Variants in DUSP22 observed in about 807,000 individuals in gnomAD.
DUSP22 encodes the protein dual specificity phosphatase 22, also known as dual specificity protein phosphatase 22.
A neutral mutation model predicts 24.5 loss-of-function variants in DUSP22; 24 were observed. The ratio of observed to expected loss-of-function variants is 0.98; its 90% CI spans 0.71 to 1.38. The LOEUF (loss-of-function observed/expected upper bound fraction) is 1.38. Ranked by LOEUF, DUSP22 falls within the 40% of genes most tolerant of loss-of-function variation. The probability of loss-of-function intolerance (pLI) is 0.00; values close to 1 mark genes in which losing one functional copy is unlikely to be tolerated. For missense variants in DUSP22, 330 were observed against 269.2 expected (o/e 1.23, Z -1.58); for synonymous variants, 160 against 106.4 (o/e 1.50, Z -3.10).
intron 1 of DUSP22, among the ~76,000 whole-genome samples, chr6:298,678 G>C (rs1344155028): frequency 5.9e-5 from 9 of 152,424 alleles, no homozygotes; most frequent in African/African-American, 2.2e-4. Flanking sequence ...GAAGGATTCT[G>C]CCTATATTGT....
chr6:322,095 A>G (rs1281180892), intron 3 of DUSP22, among the ~76,000 whole-genome samples: 1 of 152,302 alleles, frequency 6.6e-6, no homozygotes, highest in Non-Finnish European at 1.5e-5. Context: ...TAGTGTACAC[A>G]TATCATCTAC....
chr6:346,646 C>A (rs1001116087), intron 5 of DUSP22, among the ~76,000 whole-genome samples: 4 of 152,302 alleles, frequency 2.6e-5, no homozygotes, highest in African/African-American at 9.6e-5. Context: ...AGCCAAGGCT[C>A]TGTTGTCTAA....
At chr6:328,215 T>C (rs1227643031) in intron 3 of DUSP22, among the ~76,000 whole-genome samples, 1 of 152,302 alleles carries the variant, frequency 6.6e-6, no homozygotes, top group African/African-American at 2.4e-5. Flanking sequence ...CTGCTGAAAC[T>C]GGCCCAGTTT....
chr6:313,582 AAGAG>A (rs1311291507), intron 3 of DUSP22, among the ~76,000 whole-genome samples: 4 of 152,302 alleles, frequency 2.6e-5, no homozygotes, highest in African/African-American at 4.8e-5. Flanking sequence ...CCTTTAAAAA[AAGAG>A]AGAGAGAAGT....
At chr6:334,559 C>A (rs535201987) in intron 3 of DUSP22, among the ~76,000 whole-genome samples, 154 of 152,314 alleles carry the variant, frequency 1.0e-3, no homozygotes, top group African/African-American at 3.6e-3. Flanking sequence ...GATATATAAA[C>A]CTTTATTGTC....
chr6:337,674 A>G (rs1759418319), intron 4 of DUSP22, among the ~76,000 whole-genome samples: 1 of 152,308 alleles, frequency 6.6e-6, no homozygotes, highest in Non-Finnish European at 1.5e-5. Context: ...ATTTTGTTAC[A>G]TGGATATAAG....
At chr6:316,338 C>T (rs1308651755) in intron 3 of DUSP22, among the ~76,000 whole-genome samples, 3 of 152,308 alleles carry the variant, frequency 2.0e-5, no homozygotes, top group South Asian at 2.1e-4. Context: ...AAATCATTGC[C>T]GCATATATTA....
intron 5 of DUSP22, among the ~76,000 whole-genome samples, chr6:347,412 C>T (rs1404940709): frequency 6.6e-6 from 1 of 152,306 alleles, no homozygotes; most frequent in Non-Finnish European, 1.5e-5. Context: ...GTTGCTAGAA[C>T]TCTCTAAGTC....
chr6:329,203 G>A (rs1022146766), intron 3 of DUSP22, among the ~76,000 whole-genome samples: 3 of 152,308 alleles, frequency 2.0e-5, no homozygotes, highest in Non-Finnish European at 2.9e-5. Flanking sequence ...ATCTTCAAGA[G>A]TGTGGCCAGA....
At chr6:306,522 A>G (rs1259805245) in intron 2 of DUSP22, among the ~76,000 whole-genome samples, 6 of 152,300 alleles carry the variant, frequency 3.9e-5, no homozygotes, top group African/African-American at 1.4e-4. Flanking sequence ...CTCCTTGTTC[A>G]TAGGGTTAAT....
chr6:327,990 A>C (rs1428170129), intron 3 of DUSP22, among the ~76,000 whole-genome samples: 1 of 152,300 alleles, frequency 6.6e-6, no homozygotes, highest in Non-Finnish European at 1.5e-5. Flanking sequence ...GCAGACAGAG[A>C]GGAGCCACTG....
At chr6:342,005 C>T (rs540122083) in intron 4 of DUSP22, among the ~76,000 whole-genome samples, 13 of 152,406 alleles carry the variant, frequency 8.5e-5, no homozygotes, top group South Asian at 2.1e-4. Flanking sequence ...TGGTTGGGGA[C>T]GTGCAGATGT....
At position 345,637 on chromosome 6, in the gene DUSP22, A is replaced by T. The variant is rs555195402; in HGVS notation, c.189-217A>T. 1.5e-4 allele frequency among the ~76,000 whole-genome samples: 23 copies of T among 152,408 alleles called. No individual in the cohort carries two copies. The South Asian group carries it at 4.4e-3, about 29-fold the overall frequency. On this transcript the variant is annotated intron_variant, in intron 4 of 6. Coordinates refer to ENST00000419235, the MANE Select transcript of DUSP22 (RefSeq NM_001286555.3). ...TACAAAGTGATAAATGTTTAAAGTGATTAAGCATTTATCAGGTAATTATCC... is the reference window on the plus strand; with the variant it reads ...TACAAAGTGATAAATGTTTAAAGTGTTTAAGCATTTATCAGGTAATTATCC...
At chr6:303,607 A>G (rs566393761) in intron 1 of DUSP22, among the ~76,000 whole-genome samples, 225 of 152,350 alleles carry the variant, frequency 1.5e-3, no homozygotes, top group Non-Finnish European at 2.5e-3. Context: ...CGAGGCTAGG[A>G]CATCTAGGGA....
In DUSP22 at chr6:350,225, C is replaced by T; in HGVS notation, c.*1274C>T. The T allele has an allele frequency of 4.0e-6, 4 of 988,082 alleles. No individual in the cohort carries two copies. Among genetic ancestry groups the T allele is most frequent in the South Asian group, 4.7e-5 (1 of 21,462 alleles). The allele number at this position is 988,082 out of a possible 1,614,324, so 61.2% of individuals were successfully genotyped here. A position where few individuals can be genotyped will look rare whatever the true frequency, so the allele number is the denominator to read the frequency against. On this transcript the variant is annotated 3_prime_UTR_variant, in exon 7 of 7. Transcript: ENST00000419235. ...GATATCATTGAGCTATTTAAAGTTG[C>T]CAGTTTGGGCTCCAGTAATGCTTTC...
chr6:304,512 T>C, intron 1 of DUSP22, 116 bp from the exon 2 acceptor site: 2 of 1,463,062 alleles, frequency 1.4e-6, no homozygotes, highest in Admixed American at 3.3e-5. Flanking sequence ...AGGGAGGTGC[T>C]GTACTGGGGA....
chr6:342,638 G>T (rs570167052), intron 4 of DUSP22, among the ~76,000 whole-genome samples: 1 of 152,274 alleles, frequency 6.6e-6, no homozygotes, highest in Non-Finnish European at 1.5e-5. Context: ...GCAGAATACC[G>T]TGTTTGACTG....
intron 3 of DUSP22, among the ~76,000 whole-genome samples, chr6:317,153 ACTTCTGT>A (rs1758370768): frequency 6.6e-6 from 1 of 152,308 alleles, no homozygotes. Flanking sequence ...GTGTGCCTGT[ACTTCTGT>A]CTTTATTTAC....
At chr6:298,805 G>A (rs527558012) in intron 1 of DUSP22, among the ~76,000 whole-genome samples, 1 of 152,420 alleles carries the variant, frequency 6.6e-6, no homozygotes, top group East Asian at 1.9e-4. Context: ...CTTCCTCTTA[G>A]CGTGTTAGAC....
Sources: gnomAD v4.1 joint callset for allele counts (sites outside exome capture counted in the v4.1 genomes callset) on GRCh38, gnomAD v4.1.1 for gene constraint, MANE v1.5 for transcripts, NCBI Gene and HGNC (gene_info 2026-07-23, HGNC 2026-07-21) for gene names.